EDIL3: variants seen among roughly 807,000 people sequenced by gnomAD.
The protein encoded by EDIL3 is EGF like and discoidin domains 3.
EDIL3 carries 37 observed loss-of-function variants against 67.4 expected under a neutral mutation model. That is an observed-to-expected ratio of 0.55 (90% CI 0.42 to 0.72). The LOEUF (loss-of-function observed/expected upper bound fraction) is 0.72, where lower values mean the gene tolerates loss of function less well. Ranked by LOEUF, EDIL3 falls within the 30% of genes least tolerant of loss-of-function variation. EDIL3 has a pLI of 0.00. For missense variants in EDIL3, 527 were observed against 586.3 expected (o/e 0.90, Z 1.04); for synonymous variants, 195 against 196.3 (o/e 0.99, Z 0.05).
intron 2 of EDIL3, among the ~76,000 whole-genome samples, chr5:84,241,500 T>G (rs1391914304): frequency 6.6e-6 from 1 of 152,200 alleles, no homozygotes; most frequent in African/African-American, 2.4e-5. Context: ...CCTAAAGGAC[T>G]GATTCCTAAT....
intron 1 of EDIL3, among the ~76,000 whole-genome samples, chr5:84,321,384 G>C (rs937654195): frequency 1.3e-4 from 20 of 152,094 alleles, no homozygotes; most frequent in Non-Finnish European, 2.9e-4. Context: ...TAAAACGTTA[G>C]ATGCAGAGCA....
At chr5:84,132,922 GT>G (rs1388164586) in intron 5 of EDIL3, among the ~76,000 whole-genome samples, 1 of 151,880 alleles carries the variant, frequency 6.6e-6, no homozygotes, top group Admixed American at 6.6e-5. Flanking sequence ...TCACCCAAGT[GT>G]TTTTTTGTTT....
At chr5:83,943,629 A>G (rs1397501748) in intron 10 of EDIL3, 61 bp from the exon 11 acceptor site, 5 of 1,580,106 alleles carry the variant, frequency 3.2e-6, no homozygotes, top group Non-Finnish European at 4.3e-6. Flanking sequence ...AATTATTTTT[A>G]TGTTCCTGTT....
intron 3 of EDIL3, among the ~76,000 whole-genome samples, chr5:84,187,968 A>G (rs1400752721): frequency 1.3e-5 from 2 of 152,038 alleles, no homozygotes; most frequent in African/African-American, 4.8e-5. Context: ...TTATGATACT[A>G]TCTCAAACAT....
At chr5:84,027,595 T>A (rs1225028598) in intron 9 of EDIL3, among the ~76,000 whole-genome samples, 1 of 128,668 alleles carries the variant, frequency 7.8e-6, no homozygotes, top group Non-Finnish European at 1.7e-5. Context: ...AAAATTCTTA[T>A]GAGATAGCCT....
At position 84,254,056 on chromosome 5, in the gene EDIL3, T is replaced by C. The variant is rs760332428; in HGVS notation, c.196+28A>G. On this transcript the variant is annotated intron_variant, in intron 2 of 10. Coordinates refer to ENST00000296591, the MANE Select transcript of EDIL3 (RefSeq NM_005711.5). ...TTATTCATGGAAATAAAAAGATAACTACTGAAATACTTAAATTTTGCACTT... is the reference window on the plus strand; with the variant it reads ...TTATTCATGGAAATAAAAAGATAACCACTGAAATACTTAAATTTTGCACTT... 4.5e-6 allele frequency: 7 copies of C among 1,566,096 alleles called. No homozygotes were observed. The Admixed American group carries it at 9.5e-5, about 21-fold the overall frequency.
chr5:84,310,809 C>G (rs1031148486), intron 1 of EDIL3, among the ~76,000 whole-genome samples: 6 of 151,956 alleles, frequency 3.9e-5, no homozygotes, highest in African/African-American at 1.5e-4. Flanking sequence ...ATCTATGTAC[C>G]CCTAGAGCCT....
intron 1 of EDIL3, among the ~76,000 whole-genome samples, chr5:84,329,665 C>T (rs547921663): frequency 5.3e-5 from 8 of 151,980 alleles, no homozygotes; most frequent in East Asian, 1.9e-4. Context: ...TTTGCTTCTT[C>T]GTTCTACTAT....
At chr5:83,993,934 C>T (rs1172347408) in intron 9 of EDIL3, among the ~76,000 whole-genome samples, 1 of 152,106 alleles carries the variant, frequency 6.6e-6, no homozygotes, top group Admixed American at 6.6e-5. Context: ...AATATGTTAC[C>T]AATTCTACTG....
At chr5:84,151,295 A>ACACACC (rs1480948726) in intron 4 of EDIL3, among the ~76,000 whole-genome samples, 4 of 150,438 alleles carry the variant, frequency 2.7e-5, no homozygotes, top group African/African-American at 9.8e-5. Flanking sequence ...ACACACACAC[A>ACACACC]CCCCGACACT....
At chr5:84,253,228 G>C (rs547483208) in intron 2 of EDIL3, among the ~76,000 whole-genome samples, 1 of 152,230 alleles carries the variant, frequency 6.6e-6, no homozygotes, top group South Asian at 2.1e-4. Context: ...GAAGTGTCCT[G>C]TTTCTCTAAG....
intron 6 of EDIL3, among the ~76,000 whole-genome samples, chr5:84,069,306 G>A (rs1243074785): frequency 2.0e-5 from 3 of 152,072 alleles, no homozygotes. Flanking sequence ...TCTGAATCTA[G>A]AATGCTTAGA....
rs1743635597 is a variant in EDIL3, at chr5:84,193,544, G to GGTAA, written c.227-13024_227-13023insTTAC. On this transcript the variant is annotated intron_variant, in intron 3 of 10. Transcript: ENST00000296591. ...ATGTTAGTGTTTGTGGAAATAGATG[G>GGTAA]CGATTAGTGGGTAAGGATATAGTTG... 5.9e-5 allele frequency among the ~76,000 whole-genome samples: 9 copies of GGTAA among 152,016 alleles called. No homozygotes were observed. The South Asian group carries it at 1.7e-3, about 28-fold the overall frequency.
At chr5:84,165,822 G>C (rs1408798032) in intron 4 of EDIL3, among the ~76,000 whole-genome samples, 1 of 152,126 alleles carries the variant, frequency 6.6e-6, no homozygotes, top group Non-Finnish European at 1.5e-5. Flanking sequence ...AGTGCTTGTA[G>C]ACAGTTATGC....
chr5:84,375,385 T>C (rs529956990), intron 1 of EDIL3, among the ~76,000 whole-genome samples: 8 of 152,294 alleles, frequency 5.3e-5, no homozygotes, highest in Non-Finnish European at 1.2e-4. Context: ...ATAAACCATA[T>C]TTTGGTTGAA....
chr5:84,021,208 T>C (rs1434571744), intron 9 of EDIL3, among the ~76,000 whole-genome samples: 1 of 151,954 alleles, frequency 6.6e-6, no homozygotes, highest in Non-Finnish European at 1.5e-5. Flanking sequence ...TTTTTTCAAT[T>C]TCCATTTTGT....
chr5:84,010,615 C>A (rs1375000959), intron 9 of EDIL3, among the ~76,000 whole-genome samples: 1 of 152,072 alleles, frequency 6.6e-6, no homozygotes, highest in African/African-American at 2.4e-5. Flanking sequence ...GTGCATAATA[C>A]TGTATACTGT....
intron 9 of EDIL3, among the ~76,000 whole-genome samples, chr5:83,976,286 T>G (rs1375295178): frequency 1.3e-5 from 2 of 151,894 alleles, no homozygotes; most frequent in Non-Finnish European, 2.9e-5. Flanking sequence ...ATATCCTTGT[T>G]GTTTGGGAGA....
At position 83,942,681 on chromosome 5, in the gene EDIL3, A is replaced by G. The variant is rs1439116905; in HGVS notation, c.*738T>C. ...AATTAACGAATATTAAATACAGATC[A>G]ATCTACTGATAGGCAGTCATGTTCT... On this transcript the variant is annotated 3_prime_UTR_variant, in exon 11 of 11. Transcript: ENST00000296591. 6.6e-6 allele frequency: 1 copy of G among 152,090 alleles called. No homozygotes were observed. Among genetic ancestry groups the G allele is most frequent in the Non-Finnish European group, 1.5e-5 (1 of 67,988 alleles). The allele number at this position is 152,090 out of a possible 1,614,324, so 9.4% of individuals were successfully genotyped here.
Sources: gnomAD v4.1 joint callset for allele counts (sites outside exome capture counted in the v4.1 genomes callset) on GRCh38, gnomAD v4.1.1 for gene constraint, MANE v1.5 for transcripts, NCBI Gene and HGNC (gene_info 2026-07-23, HGNC 2026-07-21) for gene names.